The following C16orf89 variants were observed in gnomAD, a reference collection of about 807,000 sequenced individuals.
C16orf89 encodes chromosome 16 open reading frame 89.
In C16orf89, 57 loss-of-function variants were observed where a neutral mutation model predicts 41.5. That is an observed-to-expected ratio of 1.38 (90% CI 1.11 to 1.71). The LOEUF (loss-of-function observed/expected upper bound fraction) is 1.71, where lower values mean the gene tolerates loss of function less well. Among genes scored for constraint, C16orf89 ranks in the 40% most tolerant of loss-of-function variants. The pLI, the probability that C16orf89 is intolerant of heterozygous loss-of-function variation, is 0.00. For missense variants in C16orf89, 575 were observed against 445.9 expected, an observed-to-expected ratio of 1.29 and a Z score of -2.61; for synonymous variants, 223 against 190.6, an observed-to-expected ratio of 1.17 and a Z score of -1.40.
intron 1 of C16orf89, among the ~76,000 whole-genome samples, chr16:5,064,936 C>T (rs1231506893): frequency 2.0e-5 from 3 of 152,176 alleles, no homozygotes; most frequent in Non-Finnish European, 4.4e-5. Context: ...ACTGAAGTAC[C>T]CCATGCAATG....
intron 6 of C16orf89, among the ~76,000 whole-genome samples, chr16:5,052,473 C>T (rs527527488): frequency 5.3e-5 from 8 of 152,260 alleles, no homozygotes; most frequent in African/African-American, 1.9e-4. Flanking sequence ...CACCTGTAGT[C>T]TCAGCTACTC....
intron 6 of C16orf89, 96 bp downstream of exon 6, chr16:5,055,150 A>C (rs894070919): frequency 7.6e-6 from 8 of 1,055,290 alleles, no homozygotes; most frequent in Non-Finnish European, 9.8e-6. Context: ...TGGCAACCTT[A>C]ACACCAATGC....
At chr16:5,053,112 G>C (rs548514915) in intron 6 of C16orf89, among the ~76,000 whole-genome samples, 1 of 152,238 alleles carries the variant, frequency 6.6e-6, no homozygotes, top group East Asian at 1.9e-4. Flanking sequence ...CAGGGTGCCT[G>C]TAATCCCAGC....
In C16orf89 at chr16:5,058,595, C is replaced by G; in HGVS notation, c.525G>C (p.Glu175Asp). ...TGCAGAGGTCTGAGAGGCCGCAGGG[C>G]TCGCTGCTGTCCGTCCTGGGGGAAA... ...QLLGTGTDSS[E>D]PCGLSDLCRS... The change falls in exon 4 of 8, where the codon GAG becomes GAC. Residue 175 changes from glutamate to aspartate, a missense_variant. Coordinates refer to ENST00000472572, the MANE Select transcript of C16orf89 (RefSeq NM_001098514.3). 1 of 1,611,778 alleles carries G rather than the reference C, an allele frequency of 6.2e-7. No individual in the cohort carries two copies. Among genetic ancestry groups the G allele is most frequent in the Non-Finnish European group, 8.5e-7 (1 of 1,179,472 alleles).
At chr16:5,055,385 C>A in intron 5 of C16orf89, 35 bp from the exon 6 acceptor site, 1 of 1,508,506 alleles carries the variant, frequency 6.6e-7, no homozygotes, top group Non-Finnish European at 9.1e-7. Context: ...TGCAGGCCTG[C>A]CCCCCAGGCC....
At chr16:5,055,607 C>A (rs1461562519) in intron 5 of C16orf89, 36 of 1,388,554 alleles carry the variant, frequency 2.6e-5, no homozygotes, top group Non-Finnish European at 3.4e-5. Context: ...GGAGTTTGGA[C>A]ACCCCAGCCA....
chr16:5,057,216 A>G lies in C16orf89; in HGVS notation c.628-1028T>C, dbSNP rs1468054759. ...CGTGCCACTGCACTCCAGCCTGGGC[A>G]ACAGAGTGAGACTCCATCTCAAAAA... On this transcript the variant is annotated intron_variant, in intron 4 of 7. Transcript: ENST00000472572. 1.1e-4 allele frequency among the ~76,000 whole-genome samples: 17 copies of G among 149,882 alleles called. 1 individual carries two copies. Among genetic ancestry groups the G allele is most frequent in the Admixed American group, 1.0e-3 (15 of 14,946 alleles).
At chr16:5,062,697 C>G in intron 1 of C16orf89, 123 bp from the exon 2 acceptor site, 2 of 1,104,266 alleles carry the variant, frequency 1.8e-6, no homozygotes, top group Non-Finnish European at 2.5e-6. Context: ...CCTTCTCCAG[C>G]ACTCAGAGGG....
intron 6 of C16orf89, among the ~76,000 whole-genome samples, chr16:5,049,181 A>T (rs1166218557): frequency 1.3e-5 from 2 of 152,252 alleles, no homozygotes; most frequent in East Asian, 1.9e-4. Flanking sequence ...AAATATATGT[A>T]TTAAACACTG....
chr16:5,065,517 G>A (rs140011049), intron 1 of C16orf89, among the ~76,000 whole-genome samples, 184 bp downstream of exon 1: 13 of 152,254 alleles, frequency 8.5e-5, no homozygotes, highest in East Asian at 7.7e-4. Flanking sequence ...AAAAAATTGC[G>A]TAACAGTTAG....
intron 7 of C16orf89, among the ~76,000 whole-genome samples, chr16:5,045,809 C>T (rs559860976): frequency 2.0e-5 from 3 of 152,336 alleles, no homozygotes; most frequent in Non-Finnish European, 4.4e-5. Context: ...CTAATCTCTA[C>T]ACCAGCTGCC....
At chr16:5,052,114 AAAAAAAG>A (rs1956408740) in intron 6 of C16orf89, among the ~76,000 whole-genome samples, 1 of 151,654 alleles carries the variant, frequency 6.6e-6, no homozygotes, top group South Asian at 2.1e-4. Context: ...AAAAAAAAAA[AAAAAAAG>A]AAGGAAAAAG....
Position 5,065,768 on chromosome 16 carries a change from G to C in C16orf89, c.141C>G (p.Thr47=). The C allele has an allele frequency of 6.2e-7, 1 of 1,614,118 alleles. No homozygotes were observed. The highest frequency in any genetic ancestry group is 8.5e-7 in the Non-Finnish European group (1 of 1,179,948). Residue 47 remains threonine, a synonymous_variant, in exon 1 of 8, where the codon ACC becomes ACG. Transcript: ENST00000472572. Reference sequence around the variant, plus strand: ...CAGGCAGCCTCTGTTCTAGGAAGACGGTGGCTCTCTCCAGCGCAGACAGGA... The same window carrying C: ...CAGGCAGCCTCTGTTCTAGGAAGACCGTGGCTCTCTCCAGCGCAGACAGGA... ...DLILSALERA[T]VFLEQRLPEI...
intron 6 of C16orf89, among the ~76,000 whole-genome samples, chr16:5,053,296 G>A (rs933267838): frequency 6.6e-6 from 1 of 152,012 alleles, no homozygotes; most frequent in Non-Finnish European, 1.5e-5. Context: ...CTTGTACCTG[G>A]GAGGCGGAGG....
Position 5,062,423 on chromosome 16 carries a change from A to C in C16orf89, c.358+2T>G. ...GGAATGGGACACCCTGCGTGTGCTC[A>C]CCTCTTAGGTACTTGGGATCACTCA... On this transcript the variant is annotated splice_donor_variant, in intron 2 of 7. Transcript: ENST00000472572. LOFTEE classifies it high-confidence loss of function. The C allele has an allele frequency of 6.2e-7, 1 of 1,609,238 alleles. No individual in the cohort carries two copies. Among genetic ancestry groups the C allele is most frequent in the Non-Finnish European group, 8.5e-7 (1 of 1,178,088 alleles).
chr16:5,062,404 G>C, intron 2 of C16orf89, 21 bp downstream of exon 2: 12 of 1,595,702 alleles, frequency 7.5e-6, no homozygotes, highest in Non-Finnish European at 1.0e-5. Flanking sequence ...TGAGGGAATG[G>C]GACACCCTGC....
rs903890839 is a variant in C16orf89 at position 5,055,077 on chromosome 16, C to T, written c.868+169G>A. On this transcript the variant is annotated intron_variant, in intron 6 of 7. Coordinates refer to ENST00000472572, the MANE Select transcript of C16orf89 (RefSeq NM_001098514.3). The stretch of plus-strand genomic sequence containing the variant: ...TTGCCACATTTTGGCTTCCAAGGCT[C>T]CGAGCCCGTTTCTCCTTGTGTGTAC... 6.6e-5 allele frequency among the ~76,000 whole-genome samples: 10 copies of T among 152,160 alleles called. No individual in the cohort carries two copies. The East Asian group carries it at 7.7e-4, about 12-fold the overall frequency.
chr16:5,053,795 C>T (rs1033466692), intron 6 of C16orf89, among the ~76,000 whole-genome samples: 3 of 152,170 alleles, frequency 2.0e-5, no homozygotes, highest in Non-Finnish European at 4.4e-5. Context: ...CATCTGCCTG[C>T]CTTGGCCTCC....
chr16:5,062,233 C>T (rs973503624), intron 2 of C16orf89, among the ~76,000 whole-genome samples, 192 bp downstream of exon 2: 2 of 152,120 alleles, frequency 1.3e-5, no homozygotes, highest in African/African-American at 4.8e-5. Flanking sequence ...TAGGAGAGCC[C>T]GTCAGAGTCT....
Sources: allele counts gnomAD v4.1 joint callset (sites outside exome capture counted in the v4.1 genomes callset), GRCh38; gene constraint gnomAD v4.1.1; transcripts MANE v1.5; gene names NCBI Gene and HGNC (gene_info 2026-07-23, HGNC 2026-07-21).